The following NR6A1 variants were observed in gnomAD, a reference collection of about 807,000 sequenced individuals.
NR6A1 encodes the protein nuclear receptor subfamily 6 group A member 1.
Under a neutral mutation model 59.1 loss-of-function variants are expected in NR6A1, and 7 were observed. The observed-to-expected ratio is 0.12, with a 90% CI of 0.07 to 0.22. The LOEUF is 0.22. Among genes scored for constraint, NR6A1 ranks in the 10% least tolerant of loss-of-function variants. NR6A1 has a pLI of 1.00. For missense variants in NR6A1, 468 were observed against 611.6 expected (o/e 0.77, Z 2.48); for synonymous variants, 243 against 236.1 (o/e 1.03, Z -0.27).
chr9:124,556,866 C>A (rs564495801), intron 2 of NR6A1, among the ~76,000 whole-genome samples: 1 of 143,480 alleles, frequency 7.0e-6, no homozygotes, highest in Non-Finnish European at 1.5e-5. Flanking sequence ...AACTAATATA[C>A]CTTTTTTTTT....
Position 124,583,314 on chromosome 9 carries a change from T to G in NR6A1, c.143-28744A>C, listed in dbSNP as rs577222734. Among the ~76,000 whole-genome samples the G allele has an allele frequency of 2.0e-5, 3 of 152,278 alleles. No homozygotes were observed. In the East Asian group the frequency reaches 5.8e-4, roughly 29 times the overall value. On this transcript the variant is annotated intron_variant, in intron 2 of 9. Transcript: ENST00000487099. ...GAGGACAGATGACTCCTTCACAGAG[T>G]ATAACTTCTTACAACCACTTAACCG...
intron 1 of NR6A1, among the ~76,000 whole-genome samples, chr9:124,739,502 T>C (rs754422321): frequency 5.3e-5 from 8 of 152,258 alleles, no homozygotes; most frequent in African/African-American, 1.9e-4. Context: ...TAGCCCAGGC[T>C]GGGGTGCAGT....
intron 2 of NR6A1, among the ~76,000 whole-genome samples, chr9:124,687,742 A>T (rs1838383239): frequency 6.6e-6 from 1 of 152,208 alleles, no homozygotes; most frequent in Non-Finnish European, 1.5e-5. Flanking sequence ...CTGGGATCAG[A>T]TGCAAACCAA....
intron 2 of NR6A1, among the ~76,000 whole-genome samples, chr9:124,560,819 C>T (rs1028563394): frequency 4.6e-5 from 7 of 152,154 alleles, no homozygotes; most frequent in Non-Finnish European, 8.8e-5. Context: ...CCTCAGCCTC[C>T]CACAGTGCTG....
rs1394562100 is a variant in NR6A1 at position 124,540,671 on chromosome 9, T to A, written c.442-484A>T. ...AAAATTAGTTGGGCCTGGTGGTGCA[T>A]GCCTGTAGTCCTACCTACTCTGGAG... is the stretch of plus-strand genomic sequence containing the variant. On this transcript the variant is annotated intron_variant, in intron 4 of 9. Transcript: ENST00000487099. Among the ~76,000 whole-genome samples the A allele has an allele frequency of 2.6e-5, 4 of 152,204 alleles. No homozygotes were observed. The East Asian group carries it at 7.7e-4, about 29-fold the overall frequency.
intron 2 of NR6A1, among the ~76,000 whole-genome samples, chr9:124,689,428 A>G (rs532989109): frequency 6.6e-6 from 1 of 152,174 alleles, no homozygotes; most frequent in African/African-American, 2.4e-5. Flanking sequence ...AAAAGCAAGA[A>G]GGCCAAAGAA....
At chr9:124,738,333 A>C (rs1422469440) in intron 1 of NR6A1, among the ~76,000 whole-genome samples, 1 of 152,180 alleles carries the variant, frequency 6.6e-6, no homozygotes, top group East Asian at 1.9e-4. Context: ...CACCTGTCGC[A>C]CAGAATACAA....
At chr9:124,559,125 C>T (rs1260283511) in intron 2 of NR6A1, among the ~76,000 whole-genome samples, 1 of 152,116 alleles carries the variant, frequency 6.6e-6, no homozygotes, top group Non-Finnish European at 1.5e-5. Flanking sequence ...ACACTATTTA[C>T]CACAGTAACT....
chr9:124,623,589 C>T (rs553025897), intron 2 of NR6A1, among the ~76,000 whole-genome samples: 37 of 150,882 alleles, frequency 2.5e-4, no homozygotes, highest in African/African-American at 9.0e-4. Context: ...CTTCTGGGCT[C>T]GTGTGATGCT....
intron 2 of NR6A1, among the ~76,000 whole-genome samples, chr9:124,635,977 A>T (rs564269023): frequency 1.2e-3 from 180 of 152,358 alleles, no homozygotes; most frequent in African/African-American, 3.8e-3. Flanking sequence ...TCCCACCAGC[A>T]ATGAATAAAA....
intron 2 of NR6A1, among the ~76,000 whole-genome samples, chr9:124,699,758 A>G (rs745437898): frequency 6.6e-6 from 1 of 152,322 alleles, no homozygotes; most frequent in East Asian, 1.9e-4. Flanking sequence ...TGCATCACCC[A>G]TAAAACTCCC....
chr9:124,541,735 G>A (rs1273882830), intron 4 of NR6A1, among the ~76,000 whole-genome samples: 4 of 152,172 alleles, frequency 2.6e-5, no homozygotes, highest in African/African-American at 9.7e-5. Context: ...GCACTCCCAC[G>A]TTCACTGCAG....
intron 1 of NR6A1, among the ~76,000 whole-genome samples, chr9:124,760,942 T>G (rs1461205925): frequency 6.6e-6 from 1 of 152,172 alleles, no homozygotes; most frequent in Non-Finnish European, 1.5e-5. Context: ...TCTAAATGCA[T>G]GTCAATGGGG....
intron 2 of NR6A1, among the ~76,000 whole-genome samples, chr9:124,724,571 CTG>C (rs958335687): frequency 4.6e-5 from 7 of 151,388 alleles, no homozygotes; most frequent in South Asian, 4.2e-4. Flanking sequence ...ACTTTGGAAA[CTG>C]AATTAAAGTA....
intron 3 of NR6A1, among the ~76,000 whole-genome samples, chr9:124,551,998 G>C (rs939640444): frequency 6.6e-6 from 1 of 152,188 alleles, no homozygotes; most frequent in African/African-American, 2.4e-5. Context: ...CAGTCCTAAG[G>C]AGACAGCTAG....
chr9:124,711,523 A>C (rs540531713), intron 2 of NR6A1, among the ~76,000 whole-genome samples: 71 of 152,034 alleles, frequency 4.7e-4, no homozygotes, highest in Non-Finnish European at 8.4e-4. Context: ...AAAAATGGCG[A>C]GGAGCCATTA....
intron 2 of NR6A1, among the ~76,000 whole-genome samples, chr9:124,670,625 C>CG (rs767275891): frequency 5.3e-5 from 8 of 150,746 alleles, no homozygotes; most frequent in Non-Finnish European, 1.0e-4. Context: ...AAATAGTGAC[C>CG]GGGGACATGA....
At chr9:124,676,991 G>A (rs1395664733) in intron 2 of NR6A1, among the ~76,000 whole-genome samples, 7 of 152,038 alleles carry the variant, frequency 4.6e-5, no homozygotes, top group Non-Finnish European at 8.8e-5. Context: ...TCAAAACTGC[G>A]TTTGTCCCTT....
At chr9:124,539,411 C>T (rs1025415242) in intron 5 of NR6A1, among the ~76,000 whole-genome samples, 2 of 152,132 alleles carry the variant, frequency 1.3e-5, no homozygotes, top group South Asian at 4.1e-4. Flanking sequence ...AACCATTAGG[C>T]CCGGAAAGCT....
Sources: allele counts gnomAD v4.1 joint callset (sites outside exome capture counted in the v4.1 genomes callset), GRCh38; gene constraint gnomAD v4.1.1; transcripts MANE v1.5; gene names NCBI Gene and HGNC (gene_info 2026-07-23, HGNC 2026-07-21).